JADE1: variants seen among roughly 807,000 people sequenced by gnomAD.
The protein encoded by JADE1 is protein Jade-1.
JADE1 carries 14 observed loss-of-function variants against 81.8 expected under a neutral mutation model. That is an observed-to-expected ratio of 0.17 (90% CI 0.11 to 0.27). The LOEUF is 0.27. Among genes scored for constraint, JADE1 ranks in the 10% least tolerant of loss-of-function variants. The probability of loss-of-function intolerance (pLI) is 1.00; values close to 1 mark genes in which losing one functional copy is unlikely to be tolerated. For synonymous variants in JADE1, 353 were observed against 391.9 expected, an observed-to-expected ratio of 0.90 and a Z score of 1.17; for missense variants, 690 against 1,047.9, an observed-to-expected ratio of 0.66 and a Z score of 4.71.
At chr4:128,854,636 CTG>C (rs1730642027) in intron 6 of JADE1, among the ~76,000 whole-genome samples, 1 of 152,118 alleles carries the variant, frequency 6.6e-6, no homozygotes, top group Non-Finnish European at 1.5e-5. Context: ...TGCATAGTGG[CTG>C]TGTTTTTTCT....
In JADE1 at chr4:128,872,585, C is replaced by A. The variant is rs1017238198; in HGVS notation, c.*323C>A. ...AATAAGCCTCATGAATTTTTATAGC[C>A]CTCTGCATTCTTCCCAAAGCACAAA... is the stretch of plus-strand genomic sequence containing the variant. On this transcript the variant is annotated 3_prime_UTR_variant, in exon 11 of 11. Transcript: ENST00000226319. 8 of 286,160 alleles carry A rather than the reference C, an allele frequency of 2.8e-5. No homozygotes were observed. In the Admixed American group the frequency reaches 3.8e-4, roughly 14 times the overall value. The allele number at this position is 286,160 out of a possible 1,614,324, so 17.7% of individuals were successfully genotyped here. A position where few individuals can be genotyped will look rare whatever the true frequency, so the allele number is the denominator to read the frequency against.
At chr4:128,858,099 G>A (rs2125881336) in intron 8 of JADE1, among the ~76,000 whole-genome samples, 1 of 151,898 alleles carries the variant, frequency 6.6e-6, no homozygotes, top group East Asian at 1.9e-4. Flanking sequence ...ACGTGTGTGT[G>A]TGTGTGAGCG....
rs778572627 is a variant in JADE1 at position 128,809,982 on chromosome 4, A to ACGGCGG, written c.-27+122_-27+127dup. 1.2e-4 allele frequency: 19 copies of ACGGCGG among 159,486 alleles called. 1 individual carries two copies. The highest frequency in any genetic ancestry group is 7.3e-4 in the East Asian group (4 of 5,510). The allele number at this position is 159,486 out of a possible 1,614,324, so 9.9% of individuals were successfully genotyped here. A position where few individuals can be genotyped will look rare whatever the true frequency, so the allele number is the denominator to read the frequency against. On this transcript the variant is annotated intron_variant, in intron 1 of 10. Transcript: ENST00000226319. ...TGCGCGTCCCGGTCCCGCGGCGGCG[A>ACGGCGG]CGGCGGCGGCGGCGGCGGCGGCTGC... is the stretch of plus-strand genomic sequence containing the variant.
chr4:128,872,699 G>A lies in JADE1; in HGVS notation c.*437G>A, dbSNP rs576140921. On this transcript the variant is annotated 3_prime_UTR_variant, in exon 11 of 11. Transcript: ENST00000226319. ...ACAGCCCATAAAGTTTATTTTCTAG[G>A]ACTGTGGTAGATCTTGAAATCATAT... is the stretch of plus-strand genomic sequence containing the variant. 1.0e-5 allele frequency: 3 copies of A among 286,592 alleles called. No homozygotes were observed. The highest frequency in any genetic ancestry group is 1.6e-4 in the East Asian group (2 of 12,300). The allele number at this position is 286,592 out of a possible 1,614,324, so 17.8% of individuals were successfully genotyped here.
At chr4:128,861,675 T>G (rs187787932) in intron 8 of JADE1, 29 bp from the exon 9 acceptor site, 17 of 1,607,886 alleles carry the variant, frequency 1.1e-5, no homozygotes, top group Non-Finnish European at 1.4e-5. Context: ...TAATGGTCTA[T>G]TCTCATGTTC....
At chr4:128,861,568 A>G (rs1254095641) in intron 8 of JADE1, 136 bp from the exon 9 acceptor site, 2 of 1,029,690 alleles carry the variant, frequency 1.9e-6, no homozygotes, top group South Asian at 1.6e-5. Flanking sequence ...TCCACGTACA[A>G]CTTTCCTGTC....
chr4:128,827,044 C>T (rs1728141868), intron 1 of JADE1, among the ~76,000 whole-genome samples: 2 of 152,156 alleles, frequency 1.3e-5, no homozygotes, highest in African/African-American at 4.8e-5. Context: ...TAGCCATAAA[C>T]CCCTTATCCT....
At chr4:128,834,699 A>T (rs1360803906) in intron 2 of JADE1, among the ~76,000 whole-genome samples, 2 of 151,782 alleles carry the variant, frequency 1.3e-5, no homozygotes, top group Non-Finnish European at 2.9e-5. Flanking sequence ...GCACCCGGCT[A>T]CTTTTTTGTA....
In JADE1 at chr4:128,846,888, G is replaced by A. The variant is rs1729918769; in HGVS notation, c.296+356G>A. ...TCCTCTTTTCCTGCCCTCCGTATTC[G>A]CTCTGGAGAGTGGCTCTCCTGGAGA... On this transcript the variant is annotated intron_variant, in intron 4 of 10. Coordinates refer to ENST00000226319, the MANE Select transcript of JADE1 (RefSeq NM_199320.4). The surrounding 1 kb of genome is among the most constrained non-coding windows in gnomAD (Gnocchi z 4.0). Among the ~76,000 whole-genome samples, 1 of 152,134 alleles carries A rather than the reference G, an allele frequency of 6.6e-6. No individual in the cohort carries two copies. The highest frequency in any genetic ancestry group is 2.1e-4 in the South Asian group (1 of 4,828).
intron 1 of JADE1, among the ~76,000 whole-genome samples, chr4:128,813,363 T>C (rs1288480228): frequency 6.6e-6 from 1 of 151,728 alleles, no homozygotes; most frequent in African/African-American, 2.4e-5. Context: ...GAATTTTTAT[T>C]GTCCTTTTAT....
At position 128,832,971 on chromosome 4, in the gene JADE1, T is replaced by TA. The variant is rs1728677737; in HGVS notation, c.52+1162dup. Among the ~76,000 whole-genome samples the TA allele has an allele frequency of 2.0e-5, 3 of 152,082 alleles. No individual in the cohort carries two copies. In the South Asian group the frequency reaches 6.2e-4, roughly 31 times the overall value. On this transcript the variant is annotated intron_variant, in intron 2 of 10. Transcript: ENST00000226319. ...GCTTTTGGGGAGGAGAATTGGCCGT[T>TA]ATGGGAGAGTGTCAGGTGTGAAGGG...
Position 128,848,007 on chromosome 4 carries a change from T to G in JADE1, c.297-973T>G, listed in dbSNP as rs1377953888. On this transcript the variant is annotated intron_variant, in intron 4 of 10. Transcript: ENST00000226319. ...GCAGTCTTATTTTGAGTGGGGTGAG[T>G]TGGAAGGCACCACTCCAGGTGTTAA... Among the ~76,000 whole-genome samples the G allele has an allele frequency of 2.0e-5, 3 of 151,862 alleles. No individual in the cohort carries two copies. In the East Asian group the frequency reaches 5.8e-4, roughly 29 times the overall value.
chr4:128,866,551 T>G (rs1237710750), intron 9 of JADE1, among the ~76,000 whole-genome samples: 2 of 152,250 alleles, frequency 1.3e-5, no homozygotes, highest in African/African-American at 4.8e-5. Flanking sequence ...GCAAAATCTT[T>G]TGTGTCTTCA....
At chr4:128,845,535 C>T (rs2125854762) in intron 3 of JADE1, among the ~76,000 whole-genome samples, 1 of 152,280 alleles carries the variant, frequency 6.6e-6, no homozygotes, top group African/African-American at 2.4e-5. Flanking sequence ...TCTAGGCCAG[C>T]CCAGACCTTG....
chr4:128,868,458 A>AT (rs1047001023), intron 10 of JADE1, among the ~76,000 whole-genome samples: 6 of 152,004 alleles, frequency 3.9e-5, no homozygotes, highest in Admixed American at 6.6e-5. Flanking sequence ...TTCACAGTAG[A>AT]TTTTTTTTGT....
rs1441728760 is a variant in JADE1, at chr4:128,852,207, C to T, written c.635C>T (p.Pro212Leu). The change falls in exon 6 of 11, where the codon CCT becomes CTT. Residue 212 changes from proline to leucine, a missense_variant. This residue lies in a region of JADE1 where 84 missense variants were observed against 226.6 expected (regional missense o/e 0.37). Transcript: ENST00000226319. ...EDVVCDVCQS[P>L]DGEDGNEMVF... Reference sequence around the variant, plus strand: ...GTTGTCTGTGATGTCTGCCAGTCTCCTGATGGTGAGGACGGCAATGAGATG... The same window carrying T: ...GTTGTCTGTGATGTCTGCCAGTCTCTTGATGGTGAGGACGGCAATGAGATG... 6.2e-7 allele frequency: 1 copy of T among 1,614,112 alleles called. No homozygotes were observed. Among genetic ancestry groups the T allele is most frequent in the Admixed American group, 1.7e-5 (1 of 60,014 alleles).
At chr4:128,813,292 C>A (rs1201143855) in intron 1 of JADE1, among the ~76,000 whole-genome samples, 3 of 151,854 alleles carry the variant, frequency 2.0e-5, no homozygotes, top group South Asian at 2.1e-4. Flanking sequence ...GGGCAACATA[C>A]GTGGGGGGAG....
intron 10 of JADE1, among the ~76,000 whole-genome samples, chr4:128,870,963 T>C (rs971338611): frequency 3.9e-5 from 6 of 152,194 alleles, no homozygotes; most frequent in Admixed American, 3.9e-4. Context: ...GGCAGAAGAC[T>C]GGACCGTGGA....
intron 6 of JADE1, among the ~76,000 whole-genome samples, chr4:128,853,187 C>T (rs1308447355): frequency 1.3e-5 from 2 of 152,124 alleles, no homozygotes; most frequent in African/African-American, 2.4e-5. Context: ...ACATGGCGGT[C>T]TTCTTAGAAG....
Sources: allele counts gnomAD v4.1 joint callset (sites outside exome capture counted in the v4.1 genomes callset), GRCh38; gene constraint gnomAD v4.1.1; regional missense constraint gnomAD v4.1.1; non-coding constraint Gnocchi (gnomAD v3.1); transcripts MANE v1.5; gene names NCBI Gene and HGNC (gene_info 2026-07-23, HGNC 2026-07-21).